ZNF354B: variants seen among roughly 807,000 people sequenced by gnomAD.
ZNF354B encodes the protein zinc finger protein 354B.
Under a neutral mutation model 12.9 loss-of-function variants are expected in ZNF354B, and 10 were observed. The observed-to-expected ratio is 0.77, with a 90% CI of 0.48 to 1.31. The LOEUF (loss-of-function observed/expected upper bound fraction) is 1.31, where lower values mean the gene tolerates loss of function less well. Among genes scored for constraint, ZNF354B ranks in the 40% most tolerant of loss-of-function variants. The probability of loss-of-function intolerance (pLI) is 0.00; values close to 1 mark genes in which losing one functional copy is unlikely to be tolerated. For synonymous variants in ZNF354B, 260 were observed against 243.7 expected, an observed-to-expected ratio of 1.07 and a Z score of -0.62; for missense variants, 614 against 711.7, an observed-to-expected ratio of 0.86 and a Z score of 1.56.
Position 178,883,337 on chromosome 5 carries a change from G to A in ZNF354B, c.885G>A (p.Glu295=), listed in dbSNP as rs768014242. 3.7e-6 allele frequency: 6 copies of A among 1,614,014 alleles called. No individual in the cohort carries two copies. In the East Asian group the frequency reaches 6.7e-5, roughly 18 times the overall value. Residue 295 remains glutamate, a synonymous_variant, in exon 5 of 5, where the codon GAG becomes GAA. Transcript: ENST00000322434. ...LCKHLRTHTV[E]KCYRCKECGK... ...AGCATTTAAGGACCCATACTGTGGA[G>A]AAATGCTATAGATGTAAAGAATGTG...
rs376949664 is a variant in ZNF354B at position 178,866,244 on chromosome 5, G to A, written c.34G>A (p.Val12Met). 3.7e-6 allele frequency: 6 copies of A among 1,613,918 alleles called. No individual in the cohort carries two copies. Among genetic ancestry groups the A allele is most frequent in the African/African-American group, 2.7e-5 (2 of 74,936 alleles). ...AAGQREARPQ[V>M]SLTFEDVAVL... is the part of the protein sequence containing the mutation. ...GAGCTGGAACGACTTGTCCTTACAG[G>A]TGTCACTGACATTCGAGGACGTGGC... is the stretch of plus-strand genomic sequence containing the variant. Residue 12 changes from valine (V) to methionine (M), a missense_variant and splice_region_variant, in exon 3 of 5, where the codon GTG becomes ATG. Physicochemically the swap from Val to Met is conservative, Grantham distance 21 (BLOSUM62 1). Coordinates refer to ENST00000322434, the MANE Select transcript of ZNF354B (RefSeq NM_058230.3).
Position 178,882,943 on chromosome 5 carries a change from G to T in ZNF354B, c.491G>T (p.Gly164Val). ...VDRSHKNVEFGQNFYLKSVFI... is the reference protein window; with the variant it reads ...VDRSHKNVEFVQNFYLKSVFI... ...AGAAGCCATAAAAATGTTGAATTTG[G>T]CCAAAACTTCTACCTGAAATCAGTC... The change falls in exon 5 of 5, where the codon GGC becomes GTC. Residue 164 changes from glycine to valine, a missense_variant. Transcript: ENST00000322434. The T allele has an allele frequency of 6.2e-7, 1 of 1,601,660 alleles. No homozygotes were observed. Among genetic ancestry groups the T allele is most frequent in the East Asian group, 2.2e-5 (1 of 44,770 alleles).
intron 2 of ZNF354B, among the ~76,000 whole-genome samples, chr5:178,861,924 G>A (rs747432752): frequency 1.5e-4 from 23 of 152,164 alleles, no homozygotes; most frequent in African/African-American, 3.1e-4. Flanking sequence ...GAAAGTGTTC[G>A]GATCAGGGCT....
intron 4 of ZNF354B, among the ~76,000 whole-genome samples, chr5:178,873,670 A>G (rs540955468): frequency 2.0e-4 from 30 of 152,260 alleles, no homozygotes; most frequent in African/African-American, 7.2e-4. Context: ...TGATTGCTGT[A>G]TATATACAGG....
At position 178,883,890 on chromosome 5, in the gene ZNF354B, G is replaced by A. The variant is rs1353923022; in HGVS notation, c.1438G>A (p.Ala480Thr). Residue 480 changes from alanine (A) to threonine (T), a missense_variant, in exon 5 of 5, where the codon GCT becomes ACT. Ala to Thr is a moderately conservative substitution (Grantham distance 58). Coordinates refer to ENST00000322434, the MANE Select transcript of ZNF354B (RefSeq NM_058230.3). ...VCGKAFRQSS[A>T]LIQHQRMHTG... ...TGGAAAAGCCTTCAGACAGAGTTCC[G>A]CTCTCATTCAACATCAGAGAATGCA... The A allele has an allele frequency of 3.7e-6, 6 of 1,614,056 alleles. No homozygotes were observed. The highest frequency in any genetic ancestry group is 5.1e-6 in the Non-Finnish European group (6 of 1,179,978).
intron 4 of ZNF354B, among the ~76,000 whole-genome samples, chr5:178,869,775 C>T (rs11958941): frequency 0.15 from 22,551 of 151,884 alleles, 2,059 homozygotes; most frequent in African/African-American, 0.25. Flanking sequence ...GTTTCCTGCC[C>T]GATTGCTCTT....
chr5:178,872,099 T>C (rs191444737), intron 4 of ZNF354B, among the ~76,000 whole-genome samples: 71 of 152,232 alleles, frequency 4.7e-4, no homozygotes, highest in Admixed American at 4.5e-3. Context: ...CTGGTATCCG[T>C]TTTTACACAC....
At position 178,870,437 on chromosome 5, in the gene ZNF354B, G is replaced by A. The variant is rs116027609; in HGVS notation, c.256+3366G>A. Among the ~76,000 whole-genome samples the A allele has an allele frequency of 3.5e-3, 526 of 152,264 alleles. 1 individual carries two copies. Among genetic ancestry groups the A allele is most frequent in the Non-Finnish European group, 5.3e-3 (363 of 68,014 alleles). On this transcript the variant is annotated intron_variant, in intron 4 of 4. Transcript: ENST00000322434. ...GATCACAGGCACACGCCACCATGCC[G>A]GGCTAATTTTTGGCATTTTTTTAGT...
chr5:178,871,167 C>T lies in ZNF354B; in HGVS notation c.256+4096C>T, dbSNP rs147644320. On this transcript the variant is annotated intron_variant, in intron 4 of 4. Coordinates refer to ENST00000322434, the MANE Select transcript of ZNF354B (RefSeq NM_058230.3). The stretch of plus-strand genomic sequence containing the variant: ...CCCATACAGTATAGCCCAAAGTCCC[C>T]ATCATGGCCTTCAGAGACCTACATG... Among the ~76,000 whole-genome samples, 26 of 152,276 alleles carry T rather than the reference C, an allele frequency of 1.7e-4. No individual in the cohort carries two copies. In the East Asian group the frequency reaches 5.0e-3, roughly 29 times the overall value.
rs867115612 is a variant in ZNF354B, at chr5:178,860,476, C to T, written c.-52+349C>T. ...TGAGTCAGTCCCCAGGACGGCCACT[C>T]CTCCTGCCTCGGGACACCCAGCGCT... On this transcript the variant is annotated intron_variant, in intron 1 of 4. Coordinates refer to ENST00000322434, the MANE Select transcript of ZNF354B (RefSeq NM_058230.3). Among the ~76,000 whole-genome samples, 23 of 152,278 alleles carry T rather than the reference C, an allele frequency of 1.5e-4. 1 individual carries two copies. Among genetic ancestry groups the T allele is most frequent in the Middle Eastern group, 3.4e-3 (1 of 292 alleles).
chr5:178,865,973 G>T lies in ZNF354B; in HGVS notation c.34-271G>T, dbSNP rs755856252. Among the ~76,000 whole-genome samples, 91 of 152,072 alleles carry T rather than the reference G, an allele frequency of 6.0e-4. 1 individual carries two copies. Among genetic ancestry groups the T allele is most frequent in the Non-Finnish European group, 2.2e-4 (15 of 68,026 alleles). ...CTAAGTTCTTATGTATTATAAAATT[G>T]CCAACGAAAGATTATTCTAATTAAG... On this transcript the variant is annotated intron_variant, in intron 2 of 4. Coordinates refer to ENST00000322434, the MANE Select transcript of ZNF354B (RefSeq NM_058230.3).
intron 4 of ZNF354B, among the ~76,000 whole-genome samples, chr5:178,880,938 G>T (rs896658186): frequency 1.4e-5 from 2 of 148,044 alleles, no homozygotes; most frequent in African/African-American, 5.0e-5. Context: ...TGCCCCCAGG[G>T]TTCAAGTGAT....
Position 178,883,742 on chromosome 5 carries a change from A to G in ZNF354B, c.1290A>G (p.Ile430Met). The G allele has an allele frequency of 6.2e-7, 1 of 1,614,090 alleles. No homozygotes were observed. Among genetic ancestry groups the G allele is most frequent in the Non-Finnish European group, 8.5e-7 (1 of 1,179,954 alleles). Residue 430 changes from isoleucine to methionine, a missense_variant, in exon 5 of 5, where the codon ATA becomes ATG. Physicochemically the swap from Ile to Met is conservative, Grantham distance 10. Coordinates refer to ENST00000322434, the MANE Select transcript of ZNF354B (RefSeq NM_058230.3). ...TSISRLNRHR[I>M]IHTGEKLYNC... The stretch of plus-strand genomic sequence containing the variant: ...TTTCACGACTTAATAGACACCGAAT[A>G]ATTCATACTGGAGAGAAATTGTATA...
Position 178,882,947 on chromosome 5 carries a change from A to G in ZNF354B, c.495A>G (p.Gln165=), listed in dbSNP as rs773017794. The G allele has an allele frequency of 1.9e-6, 3 of 1,602,214 alleles. No individual in the cohort carries two copies. Among genetic ancestry groups the G allele is most frequent in the South Asian group, 1.1e-5 (1 of 87,238 alleles). ...GCCATAAAAATGTTGAATTTGGCCA[A>G]AACTTCTACCTGAAATCAGTCTTCA... ...DRSHKNVEFG[Q]NFYLKSVFIK... The change falls in exon 5 of 5, where the codon CAA becomes CAG. Residue 165 remains glutamine, a synonymous_variant. Coordinates refer to ENST00000322434, the MANE Select transcript of ZNF354B (RefSeq NM_058230.3).
intron 2 of ZNF354B, among the ~76,000 whole-genome samples, chr5:178,861,972 T>G (rs1757355187): frequency 6.6e-6 from 1 of 152,190 alleles, no homozygotes; most frequent in Non-Finnish European, 1.5e-5. Context: ...ATGGTGGTTG[T>G]GTTTGCTGAG....
chr5:178,879,254 T>C (rs6887256), intron 4 of ZNF354B, among the ~76,000 whole-genome samples: 22,548 of 151,802 alleles, frequency 0.15, 2,051 homozygotes, highest in African/African-American at 0.25. Context: ...ACCATGTTGG[T>C]TAGGCTGGTC....
intron 3 of ZNF354B, among the ~76,000 whole-genome samples, 193 bp downstream of exon 3, chr5:178,866,563 G>T (rs75859476): frequency 0.02 from 3,000 of 152,158 alleles, 51 homozygotes; most frequent in Middle Eastern, 0.085. Context: ...TGTCTTGGCG[G>T]GTGGGTATTG....
At chr5:178,881,886 ATAT>A (rs746323942) in intron 4 of ZNF354B, among the ~76,000 whole-genome samples, 1 of 152,140 alleles carries the variant, frequency 6.6e-6, no homozygotes, top group Admixed American at 6.5e-5. Context: ...GGACTTTTTA[ATAT>A]TATCTGCAAA....
At chr5:178,875,256 G>A (rs1422486379) in intron 4 of ZNF354B, among the ~76,000 whole-genome samples, 1 of 152,210 alleles carries the variant, frequency 6.6e-6, no homozygotes, top group Non-Finnish European at 1.5e-5. Context: ...GGAGGCAACA[G>A]GGGAAGGGAC....
Sources: gnomAD v4.1 joint callset for allele counts (sites outside exome capture counted in the v4.1 genomes callset) on GRCh38, gnomAD v4.1.1 for gene constraint, MANE v1.5 for transcripts, NCBI Gene and HGNC (gene_info 2026-07-23, HGNC 2026-07-21) for gene names.